The following KIAA0319L variants were observed in gnomAD, a reference collection of about 807,000 sequenced individuals.
KIAA0319L encodes the protein dyslexia-associated protein KIAA0319-like protein.
A neutral mutation model predicts 120.1 loss-of-function variants in KIAA0319L; 55 were observed. That is an observed-to-expected ratio of 0.46 (90% CI 0.37 to 0.57). KIAA0319L has a LOEUF of 0.57. Ranked by LOEUF, KIAA0319L falls within the 20% of genes least tolerant of loss-of-function variation. The pLI, the probability that KIAA0319L is intolerant of heterozygous loss-of-function variation, is 0.00. For synonymous variants in KIAA0319L, 398 were observed against 471.9 expected (o/e 0.84, Z 2.03); for missense variants, 1,049 against 1,255.3 (o/e 0.84, Z 2.48).
At chr1:35,551,737 G>A (rs920222407) in intron 2 of KIAA0319L, among the ~76,000 whole-genome samples, 3 of 151,944 alleles carry the variant, frequency 2.0e-5, no homozygotes, top group African/African-American at 7.3e-5. Flanking sequence ...CCCTCAATTT[G>A]AACATACATG....
intron 6 of KIAA0319L, among the ~76,000 whole-genome samples, chr1:35,468,151 TTTTC>T (rs558118982): frequency 6.6e-5 from 10 of 152,144 alleles, no homozygotes; most frequent in Admixed American, 3.9e-4. Context: ...ATGTTTTTTT[TTTTC>T]TTTCTTTCTT....
At chr1:35,549,898 A>G (rs2148513006) in intron 2 of KIAA0319L, among the ~76,000 whole-genome samples, 1 of 152,336 alleles carries the variant, frequency 6.6e-6, no homozygotes, top group Admixed American at 6.5e-5. Context: ...ACCCGCTAAG[A>G]ATATCTAGCA....
intron 2 of KIAA0319L, among the ~76,000 whole-genome samples, chr1:35,521,356 C>T (rs1211011349): frequency 6.7e-6 from 1 of 150,088 alleles, no homozygotes; most frequent in Non-Finnish European, 1.5e-5. Flanking sequence ...TAAATAAAGC[C>T]GGGCGCAGTG....
intron 3 of KIAA0319L, among the ~76,000 whole-genome samples, chr1:35,479,969 A>AC: frequency 6.7e-6 from 1 of 149,528 alleles, no homozygotes; most frequent in Non-Finnish European, 1.5e-5. Context: ...AAAAAAAAAA[A>AC]AAACACAAGC....
intron 3 of KIAA0319L, among the ~76,000 whole-genome samples, chr1:35,505,815 G>A (rs1205314521): frequency 2.0e-5 from 3 of 152,158 alleles, no homozygotes; most frequent in Non-Finnish European, 4.4e-5. Flanking sequence ...GGCTAATAAT[G>A]CCTACTTGGA....
At chr1:35,450,619 C>T (rs909971131) in intron 13 of KIAA0319L, 110 bp from the exon 14 acceptor site, 2 of 1,070,368 alleles carry the variant, frequency 1.9e-6, no homozygotes, top group Non-Finnish European at 2.7e-6. Context: ...AACTGGAGAA[C>T]CTTTTTAAGT....
intron 3 of KIAA0319L, among the ~76,000 whole-genome samples, chr1:35,485,187 G>C (rs527376754): frequency 6.6e-6 from 1 of 152,004 alleles, no homozygotes; most frequent in African/African-American, 2.4e-5. Flanking sequence ...AGTAGCTATC[G>C]ATTGTTTTAT....
In KIAA0319L at chr1:35,472,300, G is replaced by A. The variant is rs371905806; in HGVS notation, c.1016-1340C>T. ...CAGTCGTTCGTTTGTTCTATTGACT[G>A]ACTGACTGATTGAGATGAAGTCTTG... On this transcript the variant is annotated intron_variant, in intron 5 of 20. Coordinates refer to ENST00000325722, the MANE Select transcript of KIAA0319L (RefSeq NM_024874.5). 4.0e-4 allele frequency among the ~76,000 whole-genome samples: 61 copies of A among 152,268 alleles called. 1 individual carries two copies. Among genetic ancestry groups the A allele is most frequent in the African/African-American group, 1.4e-3 (59 of 41,560 alleles).
intron 2 of KIAA0319L, among the ~76,000 whole-genome samples, chr1:35,519,632 C>T (rs1001656021): frequency 2.6e-5 from 4 of 152,156 alleles, no homozygotes; most frequent in African/African-American, 9.7e-5. Context: ...ACCTCTGCCT[C>T]CAGACATCTC....
At position 35,507,031 on chromosome 1, in the gene KIAA0319L, G is replaced by T. The variant is rs760346376; in HGVS notation, c.247C>A (p.Gln83Lys). Residue 83 changes from glutamine to lysine, a missense_variant, in exon 3 of 21, where the codon CAG becomes AAG. Gln to Lys is a moderately conservative substitution (Grantham distance 53). Coordinates refer to ENST00000325722, the MANE Select transcript of KIAA0319L (RefSeq NM_024874.5). ...TGGCAGCAGGCAGCCCAACATGACT[G>T]GAGAGAGGGGGTTCCTTCAAGAAGC... ...LWLLEGTPSL[Q>K]SCWAACCQDS... The T allele has an allele frequency of 6.2e-7, 1 of 1,608,034 alleles. No homozygotes were observed. The highest frequency in any genetic ancestry group is 1.3e-5 in the African/African-American group (1 of 74,708).
rs999931002 is a variant in KIAA0319L at position 35,536,146 on chromosome 1, C to T, written c.142+18204G>A. 2.6e-5 allele frequency among the ~76,000 whole-genome samples: 4 copies of T among 152,236 alleles called. No homozygotes were observed. In the East Asian group the frequency reaches 7.7e-4, roughly 29 times the overall value. On this transcript the variant is annotated intron_variant, in intron 2 of 20. Coordinates refer to ENST00000325722, the MANE Select transcript of KIAA0319L (RefSeq NM_024874.5). ...TGGTTCACTAACAAATTAGAATGAGCTTTTCCAATTAAATTGGGGAGTGCA... is the reference window on the plus strand; with the variant it reads ...TGGTTCACTAACAAATTAGAATGAGTTTTTCCAATTAAATTGGGGAGTGCA...
At chr1:35,491,927 C>A (rs1408020109) in intron 3 of KIAA0319L, among the ~76,000 whole-genome samples, 3 of 152,150 alleles carry the variant, frequency 2.0e-5, no homozygotes, top group Admixed American at 6.5e-5. Flanking sequence ...TTGAAAGACA[C>A]AATCTGCCAA....
intron 2 of KIAA0319L, among the ~76,000 whole-genome samples, chr1:35,527,103 T>C (rs1469839452): frequency 6.6e-6 from 1 of 151,994 alleles, no homozygotes; most frequent in East Asian, 1.9e-4. Context: ...GAAACAAAGG[T>C]TGTTGAATTT....
chr1:35,554,434 A>G lies in KIAA0319L; in HGVS notation c.58T>C (p.Tyr20His), dbSNP rs1324573611. 1.2e-6 allele frequency: 2 copies of G among 1,613,194 alleles called. No individual in the cohort carries two copies. Among genetic ancestry groups the G allele is most frequent in the East Asian group, 2.2e-5 (1 of 44,860 alleles). The change falls in exon 2 of 21, where the codon TAT (tyrosine) becomes CAT (histidine). Residue 20 changes from tyrosine to histidine, a missense_variant. Tyr to His is a moderately conservative substitution (Grantham distance 83, BLOSUM62 2). Transcript: ENST00000325722. ...NPASWILSGY[Y>H]WQTSAKWLRS... is the part of the protein sequence containing the mutation. Reference sequence around the variant, plus strand: ...AACCACTTCGCAGATGTCTGCCAATAATATCCTGATAAAATCCAGGAAGCA... The same window carrying G: ...AACCACTTCGCAGATGTCTGCCAATGATATCCTGATAAAATCCAGGAAGCA...
intron 2 of KIAA0319L, among the ~76,000 whole-genome samples, chr1:35,553,788 C>A (rs1647522852): frequency 6.6e-6 from 1 of 152,180 alleles, no homozygotes; most frequent in African/African-American, 2.4e-5. Flanking sequence ...TGATTCCTGG[C>A]AAGAGGCTTT....
chr1:35,470,060 G>A (rs1041008106), intron 6 of KIAA0319L, among the ~76,000 whole-genome samples: 5 of 151,962 alleles, frequency 3.3e-5, no homozygotes, highest in Non-Finnish European at 5.9e-5. Context: ...TAGAGACAGG[G>A]TCTTGCCATG....
intron 3 of KIAA0319L, among the ~76,000 whole-genome samples, chr1:35,480,186 G>A (rs1644105451): frequency 6.6e-6 from 1 of 152,042 alleles, no homozygotes; most frequent in African/African-American, 2.4e-5. Context: ...GTCTGTATTG[G>A]GAACTGACAG....
chr1:35,533,874 C>T (rs1646467059), intron 2 of KIAA0319L, among the ~76,000 whole-genome samples: 1 of 152,196 alleles, frequency 6.6e-6, no homozygotes, highest in Admixed American at 6.5e-5. Context: ...CTGTCACCTG[C>T]ACACCCACTA....
At chr1:35,447,976 G>A (rs1570630463) in intron 16 of KIAA0319L, among the ~76,000 whole-genome samples, 197 bp downstream of exon 16, 1 of 152,144 alleles carries the variant, frequency 6.6e-6, no homozygotes, top group African/African-American at 2.4e-5. Context: ...CCTACACCCT[G>A]GAGCCCTGCT....
Sources: allele counts gnomAD v4.1 joint callset (sites outside exome capture counted in the v4.1 genomes callset), GRCh38; gene constraint gnomAD v4.1.1; transcripts MANE v1.5; gene names NCBI Gene and HGNC (gene_info 2026-07-23, HGNC 2026-07-21).